ABCC5: variants seen among roughly 807,000 people sequenced by gnomAD.
ABCC5 encodes the protein ATP binding cassette subfamily C member 5, also known as ATP-binding cassette sub-family C member 5.
A neutral mutation model predicts 160.9 loss-of-function variants in ABCC5; 61 were observed. The observed-to-expected ratio is 0.38, with a 90% CI of 0.31 to 0.47. ABCC5 has a LOEUF of 0.47. Among genes scored for constraint, ABCC5 ranks in the 20% least tolerant of loss-of-function variants. The pLI is 0.99. For missense variants in ABCC5, 1,308 were observed against 1,813.3 expected, an observed-to-expected ratio of 0.72 and a Z score of 5.06; for synonymous variants, 666 against 700.6, an observed-to-expected ratio of 0.95 and a Z score of 0.78.
chr3:183,927,523 A>G (rs1378416933), intron 27 of ABCC5, 80 bp from the exon 28 acceptor site: 1 of 1,523,404 alleles, frequency 6.6e-7, no homozygotes, highest in East Asian at 2.5e-5. Context: ...GAAAGAAATG[A>G]TTCTGAAAGC....
At chr3:183,935,922 A>C (rs1713666654) in intron 26 of ABCC5, among the ~76,000 whole-genome samples, 1 of 152,230 alleles carries the variant, frequency 6.6e-6, no homozygotes, top group Non-Finnish European at 1.5e-5. Context: ...TTACAGAAAC[A>C]CCAAAATAAA....
At chr3:183,971,411 T>C in intron 11 of ABCC5, 152 bp downstream of exon 11, 1 of 630,204 alleles carries the variant, frequency 1.6e-6, no homozygotes, top group South Asian at 2.2e-5. Context: ...TTGGTTTTTT[T>C]TTAGAGTTAG....
chr3:183,984,223 G>A, intron 5 of ABCC5: 4 of 985,426 alleles, frequency 4.1e-6, no homozygotes, highest in Non-Finnish European at 4.8e-6. Context: ...AGGCCTCAAG[G>A]AAAAACTGGT....
At position 183,949,445 on chromosome 3, in the gene ABCC5, T is replaced by C. The variant is rs1179384269; in HGVS notation, c.3227+308A>G. ...TTTTGTTTTGAGATGGGGTCCACTA[T>C]ATTGCCCAGGCTGGACTTGAACACC... is the stretch of plus-strand genomic sequence containing the variant. On this transcript the variant is annotated intron_variant, in intron 22 of 29. Coordinates refer to ENST00000334444, the MANE Select transcript of ABCC5 (RefSeq NM_005688.4). The surrounding 1 kb of genome is among the most constrained non-coding windows in gnomAD (Gnocchi z 4.2). Among the ~76,000 whole-genome samples, 1 of 152,224 alleles carries C rather than the reference T, an allele frequency of 6.6e-6. No individual in the cohort carries two copies. The highest frequency in any genetic ancestry group is 2.4e-5 in the African/African-American group (1 of 41,464).
At position 183,949,998 on chromosome 3, in the gene ABCC5, G is replaced by C; in HGVS notation, c.3072C>G (p.Leu1024=). 3 of 1,614,142 alleles carry C rather than the reference G, an allele frequency of 1.9e-6. No homozygotes were observed. Among genetic ancestry groups the C allele is most frequent in the Non-Finnish European group, 2.5e-6 (3 of 1,180,032 alleles). ...TGGAGACAATGTGCAGGACTGAAAAGAGGATGACAAGGGGCCCCACTGCCA... is the reference window on the plus strand; with the variant it reads ...TGGAGACAATGTGCAGGACTGAAAACAGGATGACAAGGGGCCCCACTGCCA... ...FLVAVGPLVI[L]FSVLHIVSRV... is the part of the protein sequence containing the mutation. The change falls in exon 21 of 30, where the codon CTC becomes CTG. Residue 1024 remains leucine, a synonymous_variant. Coordinates refer to ENST00000334444, the MANE Select transcript of ABCC5 (RefSeq NM_005688.4). This position sits in a 1 kb window ranked among gnomAD's most constrained non-coding sequence, Gnocchi z 4.2.
chr3:183,955,505 G>C (rs1447329394), intron 17 of ABCC5, among the ~76,000 whole-genome samples: 1 of 152,218 alleles, frequency 6.6e-6, no homozygotes, highest in East Asian at 1.9e-4. Context: ...AGTTTATTCA[G>C]TTAGTTGCAG....
rs1189973132 is a variant in ABCC5, at chr3:183,984,931, CT to C, written c.592-1925del. ...GCAGGTGGTTGCCTTGGGCTCCTTC[CT>C]TCCCATACCTTTAGAGTGCCATTTT... On this transcript the variant is annotated intron_variant, in intron 5 of 29. Coordinates refer to ENST00000334444, the MANE Select transcript of ABCC5 (RefSeq NM_005688.4). 4 of 1,528,990 alleles carry C rather than the reference CT, an allele frequency of 2.6e-6. No homozygotes were observed. In the Admixed American group the frequency reaches 7.8e-5, roughly 30 times the overall value. The allele number at this position is 1,528,990 out of a possible 1,614,324, so 94.7% of individuals were successfully genotyped here.
chr3:184,005,134 C>A (rs951325312), intron 2 of ABCC5, among the ~76,000 whole-genome samples: 1 of 152,166 alleles, frequency 6.6e-6, no homozygotes, highest in Non-Finnish European at 1.5e-5. Flanking sequence ...GAAAGAACAT[C>A]CTTGGGAAGC....
intron 2 of ABCC5, among the ~76,000 whole-genome samples, chr3:183,994,056 C>T (rs750420521): frequency 6.6e-6 from 1 of 151,256 alleles, no homozygotes; most frequent in African/African-American, 2.4e-5. Context: ...CTCCGCTTCC[C>T]GGGTTCCAGC....
chr3:184,001,222 C>T, intron 2 of ABCC5: 1 of 535,842 alleles, frequency 1.9e-6, no homozygotes, highest in Non-Finnish European at 3.4e-6. Flanking sequence ...CACCGCACTA[C>T]AGTCTGGGTG....
At chr3:183,959,395 A>C (rs938765569) in intron 17 of ABCC5, among the ~76,000 whole-genome samples, 4 of 152,192 alleles carry the variant, frequency 2.6e-5, no homozygotes, top group Non-Finnish European at 5.9e-5. Flanking sequence ...ACTTTTCATG[A>C]GCAGAGGCGA....
At chr3:183,991,946 A>T (rs182815498) in intron 2 of ABCC5, among the ~76,000 whole-genome samples, 1 of 152,358 alleles carries the variant, frequency 6.6e-6, no homozygotes, top group African/African-American at 2.4e-5. Context: ...ATCTGTACAG[A>T]GTAGGTACAG....
intron 29 of ABCC5, among the ~76,000 whole-genome samples, chr3:183,922,063 AAATAAATAAATAAATAAAAAAC>A (rs1712042452): frequency 6.7e-6 from 1 of 148,312 alleles, no homozygotes; most frequent in Non-Finnish European, 1.5e-5. Context: ...ATAAATAAAT[AAATAAATAAATAAATAAAAAAC>A]AACAGGCTGG....
At chr3:183,967,879 G>C (rs1717372621) in intron 11 of ABCC5, 113 bp from the exon 12 acceptor site, 3 of 864,768 alleles carry the variant, frequency 3.5e-6, no homozygotes, top group Non-Finnish European at 5.7e-6. Flanking sequence ...CTGTCACCCT[G>C]ATGACTCAGC....
At chr3:183,973,139 C>T (rs1717918879) in intron 10 of ABCC5, among the ~76,000 whole-genome samples, 1 of 148,934 alleles carries the variant, frequency 6.7e-6, no homozygotes, top group African/African-American at 2.5e-5. Context: ...ATTGCAAGCT[C>T]CGCCTCCTGA....
Position 183,947,347 on chromosome 3 carries a change from G to C in ABCC5, c.3391C>G (p.Leu1131Val), listed in dbSNP as rs781679487. The change falls in exon 23 of 30, where the codon CTC becomes GTC. Residue 1131 changes from leucine to valine, a missense_variant. Physicochemically the swap from Leu to Val is conservative, Grantham distance 32 (BLOSUM62 1). Transcript: ENST00000334444. The stretch of plus-strand genomic sequence containing the variant: ...ACCTGGACAGCATAAGAGATGGCGA[G>C]ACCCGCATAGGCTGGGGGAATCTGC... ...HGQIPPAYAGLAISYAVQLTG... is the reference protein window; with the variant it reads ...HGQIPPAYAGVAISYAVQLTG... The C allele has an allele frequency of 6.2e-7, 1 of 1,612,488 alleles. No individual in the cohort carries two copies. Among genetic ancestry groups the C allele is most frequent in the Non-Finnish European group, 8.5e-7 (1 of 1,179,024 alleles).
In ABCC5 at chr3:183,982,848, G is replaced by A. The variant is rs1307526952; in HGVS notation, c.751C>T (p.Arg251Trp). Residue 251 changes from arginine (R) to tryptophan (W), a missense_variant, in exon 6 of 30, where the codon CGG (arginine) becomes TGG (tryptophan). By Grantham distance (101) the Arg-to-Trp change is moderately radical. Coordinates refer to ENST00000334444, the MANE Select transcript of ABCC5 (RefSeq NM_005688.4). The surrounding 1 kb of genome is among the most constrained non-coding windows in gnomAD (Gnocchi z 5.2). The part of the protein sequence containing the change: ...ALNYRTGVRL[R>W]GAILTMAFKK... Reference sequence around the variant, plus strand: ...AATGCCATGGTTAGGATGGCCCCCCGCAAGCGGACACCGGTTCGGTAATTC... The same window carrying A: ...AATGCCATGGTTAGGATGGCCCCCCACAAGCGGACACCGGTTCGGTAATTC... 5.6e-6 allele frequency: 9 copies of A among 1,614,048 alleles called. No individual in the cohort carries two copies. Among genetic ancestry groups the A allele is most frequent in the African/African-American group, 2.7e-5 (2 of 74,908 alleles).
rs199627991 is a variant in ABCC5 at position 183,978,537 on chromosome 3, T to A, written c.1262A>T (p.His421Leu). ...TGTCAGATCGAAGCCCAGGGTCATA[T>A]GAACAGAGAAGGTCACCACGCTGGC... ...VIASVVTFSV[H>L]MTLGFDLTAA... Residue 421 changes from histidine to leucine, a missense_variant, in exon 9 of 30, where the codon CAT becomes CTT. Coordinates refer to ENST00000334444, the MANE Select transcript of ABCC5 (RefSeq NM_005688.4). 5.0e-6 allele frequency: 8 copies of A among 1,614,064 alleles called. No homozygotes were observed. The Admixed American group carries it at 8.3e-5, about 17-fold the overall frequency.
chr3:183,922,425 G>T (rs1409909694), intron 29 of ABCC5, among the ~76,000 whole-genome samples: 1 of 152,160 alleles, frequency 6.6e-6, no homozygotes, highest in Non-Finnish European at 1.5e-5. Context: ...CTGCAGGGGA[G>T]AGAAGTTGCA....
Sources: gnomAD v4.1 joint callset for allele counts (sites outside exome capture counted in the v4.1 genomes callset) on GRCh38, gnomAD v4.1.1 for gene constraint, Gnocchi (gnomAD v3.1) non-coding constraint, MANE v1.5 for transcripts, NCBI Gene and HGNC (gene_info 2026-07-23, HGNC 2026-07-21) for gene names.